Variants in DNAH2 observed in about 807,000 individuals in gnomAD.
DNAH2 encodes the protein axonemal beta dynein heavy chain 2.
Under a neutral mutation model 523.5 loss-of-function variants are expected in DNAH2, and 323 were observed. The observed-to-expected ratio is 0.62, with a 90% CI of 0.56 to 0.68. The LOEUF (loss-of-function observed/expected upper bound fraction) is 0.68, where lower values mean the gene tolerates loss of function less well. Among genes scored for constraint, DNAH2 ranks in the 30% least tolerant of loss-of-function variants. DNAH2 has a pLI of 0.00. For synonymous variants in DNAH2, 2,093 were observed against 2,177.4 expected (o/e 0.96, Z 1.08); for missense variants, 4,907 against 5,701.5 (o/e 0.86, Z 4.49).
intron 65 of DNAH2, 37 bp from the exon 66 acceptor site, chr17:7,817,524 C>G (rs774769728): frequency 6.2e-7 from 1 of 1,613,668 alleles, no homozygotes; most frequent in South Asian, 1.1e-5. Flanking sequence ...CTGGGCTCAG[C>G]TCTTCAAGTT....
In DNAH2 at chr17:7,821,701, A is replaced by G. The variant is rs1219894877; in HGVS notation, c.11142+332A>G. Among the ~76,000 whole-genome samples, 1 of 151,926 alleles carries G rather than the reference A, an allele frequency of 6.6e-6. No homozygotes were observed. Among genetic ancestry groups the G allele is most frequent in the African/African-American group, 2.4e-5 (1 of 41,330 alleles). On this transcript the variant is annotated intron_variant, in intron 73 of 85. Coordinates refer to ENST00000572933, the MANE Select transcript of DNAH2 (RefSeq NM_020877.5). This position sits in a 1 kb window ranked among gnomAD's most constrained non-coding sequence, Gnocchi z 5.0. ...GTCGCCCTCACAATCTCTCCCTCAC[A>G]GGCTCCTCAACCCCAGCTTTTCTCC...
At chr17:7,761,630 A>C (rs899378229) in intron 18 of DNAH2, among the ~76,000 whole-genome samples, 1 of 151,724 alleles carries the variant, frequency 6.6e-6, no homozygotes, top group Non-Finnish European at 1.5e-5. Context: ...GATTACAGGC[A>C]TTCACCACCA....
chr17:7,784,923 G>T (rs6503061), intron 39 of DNAH2, among the ~76,000 whole-genome samples: 38,349 of 152,034 alleles, frequency 0.25, 5,749 homozygotes, highest in Non-Finnish European at 0.35. Context: ...CCTGGTGGGA[G>T]ATCTTGACTT....
chr17:7,818,424 C>G lies in DNAH2; in HGVS notation c.10500C>G (p.Ala3500=). Residue 3500 remains alanine (A), a synonymous_variant, in exon 69 of 86, where the codon GCC becomes GCG. Coordinates refer to ENST00000572933, the MANE Select transcript of DNAH2 (RefSeq NM_020877.5). ...SNPHYSPETS[A]KTTIVNFAVK... ...CCCACTACAGCCCAGAGACCTCAGC[C>G]AAGACCACCATCGTCAACTTTGCTG... 1.2e-6 allele frequency: 2 copies of G among 1,614,232 alleles called. No homozygotes were observed. Among genetic ancestry groups the G allele is most frequent in the Non-Finnish European group, 1.7e-6 (2 of 1,180,042 alleles).
chr17:7,784,869 A>G (rs567881421), intron 39 of DNAH2, among the ~76,000 whole-genome samples: 13 of 152,348 alleles, frequency 8.5e-5, no homozygotes, highest in Middle Eastern at 3.4e-3. Flanking sequence ...AATCCATAAA[A>G]GAAACTGGAC....
chr17:7,826,661 T>C (rs1009437897), intron 77 of DNAH2, among the ~76,000 whole-genome samples: 1 of 148,112 alleles, frequency 6.8e-6, no homozygotes, highest in Non-Finnish European at 1.5e-5. Context: ...TGCCTCAGCC[T>C]CCGAGTAGCT....
chr17:7,824,448 C>T (rs1430074731), intron 76 of DNAH2, 89 bp from the exon 77 acceptor site: 2 of 1,403,300 alleles, frequency 1.4e-6, no homozygotes, highest in Non-Finnish European at 9.4e-7. Flanking sequence ...TAGGCCCCCC[C>T]AGCACCCCCA....
chr17:7,784,395 C>A (rs937387446), intron 39 of DNAH2, among the ~76,000 whole-genome samples: 3 of 152,080 alleles, frequency 2.0e-5, no homozygotes, highest in Admixed American at 2.0e-4. Flanking sequence ...ATTGGAGAAT[C>A]GGCCAGGCAT....
chr17:7,827,041 T>A (rs2078039708), intron 77 of DNAH2, among the ~76,000 whole-genome samples: 1 of 152,152 alleles, frequency 6.6e-6, no homozygotes, highest in Non-Finnish European at 1.5e-5. Context: ...GTATTGCTAA[T>A]GCAACCATTG....
At chr17:7,814,472 T>G (rs1037568795) in intron 63 of DNAH2, among the ~76,000 whole-genome samples, 1 of 152,182 alleles carries the variant, frequency 6.6e-6, no homozygotes, top group African/African-American at 2.4e-5. Flanking sequence ...TTTTAAAAAT[T>G]TAAAGCTCCA....
chr17:7,754,570 C>T lies in DNAH2; in HGVS notation c.1905-2521C>T. 2 of 1,467,578 alleles carry T rather than the reference C, an allele frequency of 1.4e-6. No homozygotes were observed. The highest frequency in any genetic ancestry group is 1.1e-5 in the South Asian group (1 of 87,918). The allele number at this position is 1,467,578 out of a possible 1,614,324, so 90.9% of individuals were successfully genotyped here. A position where few individuals can be genotyped will look rare whatever the true frequency, so the allele number is the denominator to read the frequency against. On this transcript the variant is annotated intron_variant, in intron 12 of 85. Transcript: ENST00000572933. This position sits in a 1 kb window ranked among gnomAD's most constrained non-coding sequence, Gnocchi z 4.6. ...CTAAAGAAGATGCACACCAACAATG[C>T]CAAGGCCATGAGTCCACGTGCCGAG... is the stretch of plus-strand genomic sequence containing the variant.
At chr17:7,819,587 CCT>C (rs2077796947) in intron 72 of DNAH2, among the ~76,000 whole-genome samples, 179 bp downstream of exon 72, 1 of 152,228 alleles carries the variant, frequency 6.6e-6, no homozygotes, top group African/African-American at 2.4e-5. Flanking sequence ...CTGATGATTC[CCT>C]GTCTTGTGTC....
At chr17:7,800,164 G>A (rs2077183185) in intron 56 of DNAH2, among the ~76,000 whole-genome samples, 1 of 152,124 alleles carries the variant, frequency 6.6e-6, no homozygotes, top group Admixed American at 6.5e-5. Flanking sequence ...TAATCTTCGT[G>A]CCTTAGCCTC....
At position 7,796,544 on chromosome 17, in the gene DNAH2, G is replaced by C. The variant is rs142996833; in HGVS notation, c.7755G>C (p.Gly2585=). 39 of 1,613,528 alleles carry C rather than the reference G, an allele frequency of 2.4e-5. No homozygotes were observed. Among genetic ancestry groups the C allele is most frequent in the Non-Finnish European group, 3.2e-5 (38 of 1,179,974 alleles). The change falls in exon 50 of 86, where the codon GGG becomes GGC. Residue 2585 remains glycine (G), a synonymous_variant. Transcript: ENST00000572933. ...TTGAGGAAGAGGTGAAGCCCATTGG[G>C]AACGTGGTGACAGAGGCCACCCTGG... The part of the protein sequence containing the change: ...QDFEEEVKPI[G]NVVTEATLDM...
Position 7,786,962 on chromosome 17 carries a change from A to G in DNAH2, c.6532A>G (p.Met2178Val), listed in dbSNP as rs1344771122. 4 of 1,614,144 alleles carry G rather than the reference A, an allele frequency of 2.5e-6. No homozygotes were observed. In the South Asian group the frequency reaches 3.3e-5, roughly 13 times the overall value. The change falls in exon 42 of 86, where the codon ATG becomes GTG. Residue 2178 changes from methionine (M) to valine (V), a missense_variant. Transcript: ENST00000572933. This position sits in a 1 kb window ranked among gnomAD's most constrained non-coding sequence, Gnocchi z 7.5. ...CGTGGACACACTGTGGATCGAGAAC[A>G]TGAACTCCGTCATGGACGATAACAA... ...GPVDTLWIEN[M>V]NSVMDDNKVL...
chr17:7,819,229 G>T lies in DNAH2; in HGVS notation c.10836G>T (p.Gln3612His). Reference protein sequence around the residue: ...LAREAYRPCAQRASILFFVLN... With the variant: ...LAREAYRPCAHRASILFFVLN... ...GGCAGGCTTACCGCCCATGCGCCCA[G>T]CGGGCATCAATCCTGTTCTTCGTGC... is the stretch of plus-strand genomic sequence containing the variant. Residue 3612 changes from glutamine (Q) to histidine (H), a missense_variant, in exon 72 of 86, where the codon CAG becomes CAT. This residue lies in a region of DNAH2 where 1,851 missense variants were observed against 2,139.4 expected (regional missense o/e 0.87). Coordinates refer to ENST00000572933, the MANE Select transcript of DNAH2 (RefSeq NM_020877.5). 1 of 1,613,912 alleles carries T rather than the reference G, an allele frequency of 6.2e-7. No individual in the cohort carries two copies. Among genetic ancestry groups the T allele is most frequent in the Non-Finnish European group, 8.5e-7 (1 of 1,180,048 alleles).
intron 55 of DNAH2, 21 bp from the exon 56 acceptor site, chr17:7,799,082 C>T (rs751368878): frequency 6.2e-7 from 1 of 1,613,310 alleles, no homozygotes; most frequent in South Asian, 1.1e-5. Flanking sequence ...AGCCCTCTGA[C>T]CCTGGGTGGC....
At position 7,787,972 on chromosome 17, in the gene DNAH2, A is replaced by G. The variant is rs145968398; in HGVS notation, c.6716A>G (p.Gln2239Arg). 1.8e-4 allele frequency: 284 copies of G among 1,614,098 alleles called. No homozygotes were observed. Among genetic ancestry groups the G allele is most frequent in the Non-Finnish European group, 2.3e-4 (271 of 1,180,024 alleles). Residue 2239 changes from glutamine to arginine, a missense_variant, in exon 43 of 86, where the codon CAG (glutamine) becomes CGG (arginine). Transcript: ENST00000572933. ...YADLGWKPYV[Q>R]SWLEKRPKAE... Reference sequence around the variant, plus strand: ...GACCTGGGCTGGAAGCCCTATGTTCAGTCATGGCTGGAGAAGAGGCCAAAG... The same window carrying G: ...GACCTGGGCTGGAAGCCCTATGTTCGGTCATGGCTGGAGAAGAGGCCAAAG...
chr17:7,771,022 A>T, intron 27 of DNAH2, 89 bp downstream of exon 27: 1 of 1,418,286 alleles, frequency 7.1e-7, no homozygotes, highest in Non-Finnish European at 9.6e-7. Context: ...TATCAGCCTC[A>T]TTCTCCTACC....
Sources: gnomAD v4.1 joint callset for allele counts (sites outside exome capture counted in the v4.1 genomes callset) on GRCh38, gnomAD v4.1.1 for gene constraint, gnomAD v4.1.1 regional missense constraint, Gnocchi (gnomAD v3.1) non-coding constraint, MANE v1.5 for transcripts, NCBI Gene and HGNC (gene_info 2026-07-23, HGNC 2026-07-21) for gene names.